Variants in SYT2 observed in about 807,000 individuals in gnomAD.
SYT2 encodes synaptotagmin-2.
SYT2 carries 15 observed loss-of-function variants against 39.9 expected under a neutral mutation model. That is an observed-to-expected ratio of 0.38 (90% CI 0.25 to 0.58). SYT2 has a LOEUF of 0.58. Ranked by LOEUF, SYT2 falls within the 20% of genes least tolerant of loss-of-function variation. The pLI is 0.70. For missense variants in SYT2, 389 were observed against 530.3 expected, an observed-to-expected ratio of 0.73 and a Z score of 2.62; for synonymous variants, 181 against 204.5, an observed-to-expected ratio of 0.89 and a Z score of 0.98.
intron 1 of SYT2, among the ~76,000 whole-genome samples, chr1:202,704,407 T>C (rs944265001): frequency 6.6e-6 from 1 of 152,100 alleles, no homozygotes; most frequent in African/African-American, 2.4e-5. Context: ...GCTTAGTGCA[T>C]TGGAGTGGAA....
intron 1 of SYT2, among the ~76,000 whole-genome samples, chr1:202,693,137 A>G (rs1281409819): frequency 6.6e-6 from 1 of 152,174 alleles, no homozygotes. Flanking sequence ...AGAGGAGGGC[A>G]GCACTGAGCT....
At chr1:202,663,864 C>T (rs111733518) in intron 1 of SYT2, among the ~76,000 whole-genome samples, 2,289 of 152,202 alleles carry the variant, frequency 0.015, 57 homozygotes, top group African/African-American at 0.052. Flanking sequence ...CTTAGAGGAA[C>T]GGATGCTCCT....
chr1:202,656,114 G>A (rs893791371), intron 1 of SYT2, among the ~76,000 whole-genome samples: 5 of 150,030 alleles, frequency 3.3e-5, no homozygotes, highest in African/African-American at 7.4e-5. Flanking sequence ...GGGGGAAAGC[G>A]GGCTTTGGAA....
chr1:202,597,805 AC>A (rs1558420622), intron 8 of SYT2, among the ~76,000 whole-genome samples: 2 of 152,198 alleles, frequency 1.3e-5, no homozygotes, highest in African/African-American at 4.8e-5. Flanking sequence ...GAATACCTGT[AC>A]CAAGGCAGGG....
intron 1 of SYT2, among the ~76,000 whole-genome samples, chr1:202,643,804 C>G (rs1692004980): frequency 6.6e-6 from 1 of 152,222 alleles, no homozygotes; most frequent in East Asian, 1.9e-4. Context: ...GCCCCCGGAG[C>G]CCTACGGGAC....
At chr1:202,632,844 A>G (rs1383757890) in intron 1 of SYT2, 2 of 152,186 alleles carry the variant, frequency 1.3e-5, no homozygotes, top group African/African-American at 4.8e-5. Context: ...GTGGCCTTGG[A>G]GAAGTTATTT....
At chr1:202,660,867 C>T (rs1204087993) in intron 1 of SYT2, among the ~76,000 whole-genome samples, 6 of 152,090 alleles carry the variant, frequency 3.9e-5, no homozygotes, top group Admixed American at 2.0e-4. Flanking sequence ...TAGATGTGGG[C>T]GCCTATGCTC....
intron 1 of SYT2, among the ~76,000 whole-genome samples, chr1:202,694,723 C>T (rs1653930624): frequency 6.6e-6 from 1 of 151,978 alleles, no homozygotes; most frequent in Non-Finnish European, 1.5e-5. Flanking sequence ...CCTCTTCCTT[C>T]TTCTCTTTGT....
intron 1 of SYT2, among the ~76,000 whole-genome samples, chr1:202,655,167 G>A (rs1024948473): frequency 6.6e-6 from 1 of 152,126 alleles, no homozygotes; most frequent in Admixed American, 6.5e-5. Flanking sequence ...GAGCAAGTGG[G>A]CTTAGAGGAG....
At chr1:202,663,835 C>A (rs1042650485) in intron 1 of SYT2, among the ~76,000 whole-genome samples, 3 of 152,172 alleles carry the variant, frequency 2.0e-5, no homozygotes, top group Admixed American at 2.0e-4. Flanking sequence ...AGGGATCTGG[C>A]TGCTCTGTCT....
At position 202,591,095 on chromosome 1, in the gene SYT2, G is replaced by C. The variant is rs904883010; in HGVS notation, c.*5662C>G. 2 of 152,264 alleles carry C rather than the reference G, an allele frequency of 1.3e-5. No individual in the cohort carries two copies. Among genetic ancestry groups the C allele is most frequent in the African/African-American group, 4.8e-5 (2 of 41,440 alleles). 9.4% of individuals were successfully genotyped at this position (152,264 alleles called of 1,614,324 possible). A position where few individuals can be genotyped will look rare whatever the true frequency, so the allele number is the denominator to read the frequency against. On this transcript the variant is annotated 3_prime_UTR_variant, in exon 9 of 9. Transcript: ENST00000367268. ...CCCCAGAGAGAGCTGGAGGAAGCAA[G>C]ACATGTCTTCACTGGTCCAAGCACC...
chr1:202,681,553 A>G (rs1050847535), intron 1 of SYT2, among the ~76,000 whole-genome samples: 1 of 152,206 alleles, frequency 6.6e-6, no homozygotes, highest in Non-Finnish European at 1.5e-5. Context: ...TTCAGACCAG[A>G]GTGTATGATC....
chr1:202,666,782 G>T (rs1196613833), intron 1 of SYT2, among the ~76,000 whole-genome samples: 1 of 152,210 alleles, frequency 6.6e-6, no homozygotes, highest in Non-Finnish European at 1.5e-5. Context: ...AGGAGTTCAA[G>T]ACCAGCCTGG....
At position 202,617,649 on chromosome 1, in the gene SYT2, T is replaced by C. The variant is rs188031735; in HGVS notation, c.-17-11860A>G. On this transcript the variant is annotated intron_variant, in intron 1 of 8. Transcript: ENST00000367268. ...TCAAACAGTACTTCCAAGAACGCCT[T>C]CCTCCCCACACCCATGGCTCCCTCC... Among the ~76,000 whole-genome samples the C allele has an allele frequency of 2.0e-3, 306 of 152,182 alleles. 1 individual carries two copies. Among genetic ancestry groups the C allele is most frequent in the African/African-American group, 7.0e-3 (289 of 41,530 alleles).
At chr1:202,695,939 G>A (rs1335039266) in intron 1 of SYT2, among the ~76,000 whole-genome samples, 2 of 152,156 alleles carry the variant, frequency 1.3e-5, no homozygotes, top group African/African-American at 2.4e-5. Flanking sequence ...CCCGACTCTG[G>A]GCTTGTTCTT....
At chr1:202,704,156 T>C (rs143685357) in intron 1 of SYT2, among the ~76,000 whole-genome samples, 5 of 152,284 alleles carry the variant, frequency 3.3e-5, no homozygotes, top group African/African-American at 4.8e-5. Flanking sequence ...GCTTTGTGAT[T>C]GAGGAAAGCC....
In SYT2 at chr1:202,591,530, A is replaced by G. The variant is rs4950780; in HGVS notation, c.*5227T>C. On this transcript the variant is annotated 3_prime_UTR_variant, in exon 9 of 9. Coordinates refer to ENST00000367268, the MANE Select transcript of SYT2 (RefSeq NM_177402.5). ...GGGGAGCAGGTGTGAAGGTCAGGGG[A>G]CTTAGTCCACACCTGCTCTGCCTGA... The G allele has an allele frequency of 0.53, 80,369 of 152,340 alleles. 23,670 individuals are homozygous for G. The highest frequency in any genetic ancestry group is 0.7 in the South Asian group (3,389 of 4,824). The allele number at this position is 152,340 out of a possible 1,614,324, so 9.4% of individuals were successfully genotyped here.
intron 1 of SYT2, among the ~76,000 whole-genome samples, chr1:202,626,397 G>GTTTTTTTTTTTTTTT (rs1558437010): frequency 2.0e-5 from 2 of 102,440 alleles, no homozygotes; most frequent in Admixed American, 2.1e-4. Flanking sequence ...CAGCCTCTCA[G>GTTTTTTTTTTTTTTT]CTTTTTTTTT....
At position 202,639,631 on chromosome 1, in the gene SYT2, C is replaced by T. The variant is rs558897501; in HGVS notation, c.-17-33842G>A. On this transcript the variant is annotated intron_variant, in intron 1 of 8. Coordinates refer to ENST00000367268, the MANE Select transcript of SYT2 (RefSeq NM_177402.5). Reference sequence around the variant, plus strand: ...ATGACTAACCTTGAATGGAGGGATGCCATGCTGCTGGCTTGCGTTCCCTCA... The same window carrying T: ...ATGACTAACCTTGAATGGAGGGATGTCATGCTGCTGGCTTGCGTTCCCTCA... The T allele has an allele frequency of 2.5e-5, 25 of 985,490 alleles. No homozygotes were observed. In the South Asian group the frequency reaches 1.1e-3, roughly 43 times the overall value. 61.0% of individuals were successfully genotyped at this position (985,490 alleles called of 1,614,324 possible).
Sources: gnomAD v4.1 joint callset for allele counts (sites outside exome capture counted in the v4.1 genomes callset) on GRCh38, gnomAD v4.1.1 for gene constraint, MANE v1.5 for transcripts, NCBI Gene and HGNC (gene_info 2026-07-23, HGNC 2026-07-21) for gene names.